NECTIN3: variants seen among roughly 807,000 people sequenced by gnomAD.
NECTIN3 encodes nectin-3.
Under a neutral mutation model 49.4 loss-of-function variants are expected in NECTIN3, and 8 were observed. That is an observed-to-expected ratio of 0.16 (90% CI 0.10 to 0.29). The LOEUF is 0.29. Ranked by LOEUF, NECTIN3 falls within the 10% of genes least tolerant of loss-of-function variation. NECTIN3 has a pLI of 1.00. For missense variants in NECTIN3, 581 were observed against 654.6 expected, an observed-to-expected ratio of 0.89 and a Z score of 1.23; for synonymous variants, 277 against 241.1, an observed-to-expected ratio of 1.15 and a Z score of -1.38.
intron 1 of NECTIN3, among the ~76,000 whole-genome samples, chr3:111,076,936 A>G (rs111582024): frequency 1.3e-5 from 2 of 150,762 alleles, no homozygotes; most frequent in African/African-American, 4.9e-5. Context: ...TGACTGCACC[A>G]TTGTACTCCA....
intron 1 of NECTIN3, among the ~76,000 whole-genome samples, chr3:111,108,968 GTAA>G (rs2033336359): frequency 2.6e-5 from 4 of 152,134 alleles, no homozygotes; most frequent in Non-Finnish European, 5.9e-5. Context: ...ACAAAATACT[GTAA>G]ACTGGGCAGC....
At chr3:111,156,428 G>A (rs186693204) in intron 7 of NECTIN3, among the ~76,000 whole-genome samples, 176 of 152,162 alleles carry the variant, frequency 1.2e-3, no homozygotes, top group Non-Finnish European at 2.0e-3. Context: ...TCTTTAAAAT[G>A]CTACAGTTTT....
intron 7 of NECTIN3, among the ~76,000 whole-genome samples, chr3:111,167,524 A>G (rs1167350784): frequency 6.6e-6 from 1 of 152,236 alleles, no homozygotes; most frequent in Non-Finnish European, 1.5e-5. Flanking sequence ...TATAATCACA[A>G]AAAGAAACAA....
intron 1 of NECTIN3, among the ~76,000 whole-genome samples, chr3:111,095,396 A>G (rs900466661): frequency 2.0e-5 from 3 of 152,212 alleles, no homozygotes; most frequent in African/African-American, 7.2e-5. Flanking sequence ...GGTGGAAGAA[A>G]AGAGTGTGGT....
chr3:111,163,168 A>G (rs2035249906), intron 7 of NECTIN3, among the ~76,000 whole-genome samples: 1 of 152,182 alleles, frequency 6.6e-6, no homozygotes, highest in Non-Finnish European at 1.5e-5. Flanking sequence ...AGTTTACACT[A>G]CCACTGCCCA....
intron 1 of NECTIN3, chr3:111,077,234 A>G (rs1220718678): frequency 4.5e-6 from 2 of 443,206 alleles, no homozygotes; most frequent in East Asian, 7.0e-5. Context: ...ACTGCCCACC[A>G]TTCATTCTGC....
chr3:111,192,637 T>C (rs576000164), intron 1 of NECTIN3, among the ~76,000 whole-genome samples: 22 of 152,154 alleles, frequency 1.4e-4, no homozygotes, highest in Admixed American at 2.6e-4. Context: ...CAGAACATCA[T>C]GGGGGGTTCA....
chr3:111,170,097 A>T (rs556990791), intron 7 of NECTIN3, among the ~76,000 whole-genome samples: 11 of 152,316 alleles, frequency 7.2e-5, no homozygotes, highest in Non-Finnish European at 1.5e-4. Context: ...ATATTAAGTG[A>T]AATCCTCTTT....
chr3:111,160,107 T>A (rs1306662218), intron 7 of NECTIN3, among the ~76,000 whole-genome samples: 10 of 152,210 alleles, frequency 6.6e-5, no homozygotes, highest in Admixed American at 6.5e-4. Flanking sequence ...AAATATGTTG[T>A]TTGGAACAAA....
chr3:111,089,760 G>A (rs1206110654), intron 1 of NECTIN3, among the ~76,000 whole-genome samples: 2 of 152,010 alleles, frequency 1.3e-5, no homozygotes, highest in East Asian at 3.9e-4. Flanking sequence ...ATGTATGTAT[G>A]TGTATATGAG....
At chr3:111,106,244 A>G (rs1358860950) in intron 1 of NECTIN3, among the ~76,000 whole-genome samples, 3 of 152,192 alleles carry the variant, frequency 2.0e-5, no homozygotes, top group Admixed American at 6.5e-5. Context: ...CTCAGCACCT[A>G]GAGCAGTGCC....
intron 1 of NECTIN3, among the ~76,000 whole-genome samples, chr3:111,102,338 A>G (rs1369827389): frequency 6.6e-6 from 1 of 152,126 alleles, no homozygotes; most frequent in East Asian, 1.9e-4. Context: ...CTCAGTTGCA[A>G]TAGTTCTTTA....
chr3:111,180,368 A>G (rs2035604687), intron 7 of NECTIN3, among the ~76,000 whole-genome samples: 1 of 152,220 alleles, frequency 6.6e-6, no homozygotes, highest in African/African-American at 2.4e-5. Flanking sequence ...AGACATTCAT[A>G]TGACTAGCGT....
chr3:111,075,996 A>T (rs2107350302), intron 1 of NECTIN3, among the ~76,000 whole-genome samples: 1 of 152,244 alleles, frequency 6.6e-6, no homozygotes, highest in East Asian at 1.9e-4. Flanking sequence ...ATATTTTTGG[A>T]AAGTAACCCA....
At chr3:111,117,284 C>G (rs1030098977) in intron 2 of NECTIN3, among the ~76,000 whole-genome samples, 2 of 152,110 alleles carry the variant, frequency 1.3e-5, no homozygotes, top group East Asian at 1.9e-4. Context: ...CAGAAACAGG[C>G]TAAACTGTGT....
At chr3:111,094,707 T>A (rs939522474) in intron 1 of NECTIN3, among the ~76,000 whole-genome samples, 4 of 152,196 alleles carry the variant, frequency 2.6e-5, no homozygotes, top group African/African-American at 9.7e-5. Flanking sequence ...TTGTGACATT[T>A]ATGAAATGTT....
intron 5 of NECTIN3, among the ~76,000 whole-genome samples, chr3:111,131,911 T>C (rs2034407220): frequency 6.6e-6 from 1 of 151,926 alleles, no homozygotes; most frequent in Admixed American, 6.6e-5. Flanking sequence ...AATTTAAATA[T>C]GCTGATGCCA....
intron 1 of NECTIN3, among the ~76,000 whole-genome samples, chr3:111,096,186 G>C (rs1419938629): frequency 2.6e-5 from 4 of 152,160 alleles, no homozygotes; most frequent in African/African-American, 9.7e-5. Context: ...TTGGAAACTG[G>C]AGCAAAGGTG....
At position 111,145,872 on chromosome 3, in the gene NECTIN3, A is replaced by C. The variant is rs184706648; in HGVS notation, c.1139+835A>C. The stretch of plus-strand genomic sequence containing the variant: ...GCTTTGTATATGTCTTTGCTTCTCT[A>C]ATTTGGCACAATTATAGCACTAGTC... On this transcript the variant is annotated intron_variant, in intron 6 of 8. Coordinates refer to the NECTIN3 transcript ENST00000493615. Among the ~76,000 whole-genome samples, 17 of 152,216 alleles carry C rather than the reference A, an allele frequency of 1.1e-4. No individual in the cohort carries two copies. In the East Asian group the frequency reaches 3.3e-3, roughly 29 times the overall value.
Sources: allele counts gnomAD v4.1 joint callset (sites outside exome capture counted in the v4.1 genomes callset), GRCh38; gene constraint gnomAD v4.1.1; transcripts MANE v1.5; gene names NCBI Gene and HGNC (gene_info 2026-07-23, HGNC 2026-07-21).